MIGA1: variants seen among roughly 807,000 people sequenced by gnomAD.
MIGA1 encodes the protein mitoguardin 1, also known as family with sequence similarity 73, member A.
Under a neutral mutation model 82.0 loss-of-function variants are expected in MIGA1, and 58 were observed. The ratio of observed to expected loss-of-function variants is 0.71; its 90% confidence interval spans 0.57 to 0.88. MIGA1 has a LOEUF of 0.88. MIGA1 is among the 40% of genes least tolerant of loss of function. The pLI is 0.00. For missense variants in MIGA1, 751 were observed against 749.1 expected (o/e 1.00, Z -0.03); for synonymous variants, 249 against 253.6 (o/e 0.98, Z 0.17).
intron 7 of MIGA1, among the ~76,000 whole-genome samples, chr1:77,835,963 A>G (rs1684408865): frequency 6.6e-6 from 1 of 152,182 alleles, no homozygotes; most frequent in Non-Finnish European, 1.5e-5. Context: ...AAAGAAAAAA[A>G]AGAAAAAAAG....
Position 77,858,088 on chromosome 1 carries a change from C to T in MIGA1, c.997-850C>T, listed in dbSNP as rs191798959. On this transcript the variant is annotated intron_variant, in intron 8 of 15. Transcript: ENST00000370791. ...ATTGCTGGCCAGACGCGGTGGCTGA[C>T]GCCTGAATGCCAGTACTTTGGGAGG... 2.9e-3 allele frequency among the ~76,000 whole-genome samples: 442 copies of T among 152,088 alleles called. 2 individuals carry two copies. Among genetic ancestry groups the T allele is most frequent in the African/African-American group, 9.8e-3 (406 of 41,492 alleles).
chr1:77,785,031 TATC>T (rs2101684444), intron 2 of MIGA1, among the ~76,000 whole-genome samples: 1 of 152,250 alleles, frequency 6.6e-6, no homozygotes, highest in African/African-American at 2.4e-5. Flanking sequence ...AGCCAAACCA[TATC>T]ATTCTGCTCC....
intron 5 of MIGA1, among the ~76,000 whole-genome samples, chr1:77,813,271 C>T (rs753213272): frequency 3.9e-5 from 6 of 152,246 alleles, no homozygotes; most frequent in South Asian, 2.1e-4. Flanking sequence ...CATGAGCCAC[C>T]GCGCCGGGCC....
chr1:77,852,250 G>T, intron 8 of MIGA1, among the ~76,000 whole-genome samples: 1 of 151,830 alleles, frequency 6.6e-6, no homozygotes, highest in East Asian at 1.9e-4. Flanking sequence ...CATGTATGTG[G>T]GTCTTATTTG....
In MIGA1 at chr1:77,878,802, A is replaced by G; in HGVS notation, c.*3738A>G. ...TATCAAAATGGAATTATCTTTTAAA[A>G]AAGAAGACAAGTTTTCCATACTGTC... is the stretch of plus-strand genomic sequence containing the variant. On this transcript the variant is annotated 3_prime_UTR_variant, in exon 16 of 16. Transcript: ENST00000370791. The G allele has an allele frequency of 2.6e-6, 1 of 384,418 alleles. No homozygotes were observed. Among genetic ancestry groups the G allele is most frequent in the Non-Finnish European group, 4.6e-6 (1 of 216,280 alleles). The allele number at this position is 384,418 out of a possible 1,614,324, so 23.8% of individuals were successfully genotyped here. A position where few individuals can be genotyped will look rare whatever the true frequency, so the allele number is the denominator to read the frequency against.
chr1:77,801,700 G>T (rs988919948), intron 3 of MIGA1, among the ~76,000 whole-genome samples, 192 bp downstream of exon 3: 2 of 151,994 alleles, frequency 1.3e-5, no homozygotes, highest in Non-Finnish European at 2.9e-5. Context: ...TGACATTCTG[G>T]TACCCAGAAA....
At chr1:77,840,949 G>T (rs1684606346) in intron 7 of MIGA1, among the ~76,000 whole-genome samples, 1 of 152,174 alleles carries the variant, frequency 6.6e-6, no homozygotes, top group Non-Finnish European at 1.5e-5. Flanking sequence ...TTTGAAGGTT[G>T]TACACGAGGA....
Position 77,875,423 on chromosome 1 carries a change from A to G in MIGA1, c.*359A>G, listed in dbSNP as rs1646886712. On this transcript the variant is annotated 3_prime_UTR_variant, in exon 16 of 16. Coordinates refer to ENST00000370791, the MANE Select transcript of MIGA1 (RefSeq NM_198549.4). ...TTTATGCTTTGCACCTTTAAAATGTACACTTTAGCCAAGGTCTTTGTGGCC... is the reference window on the plus strand; with the variant it reads ...TTTATGCTTTGCACCTTTAAAATGTGCACTTTAGCCAAGGTCTTTGTGGCC... 5.4e-6 allele frequency: 1 copy of G among 184,382 alleles called. No individual in the cohort carries two copies. Among genetic ancestry groups the G allele is most frequent in the Admixed American group, 5.6e-5 (1 of 17,860 alleles). 11.4% of individuals were successfully genotyped at this position (184,382 alleles called of 1,614,324 possible).
intron 7 of MIGA1, among the ~76,000 whole-genome samples, chr1:77,828,464 TG>T (rs1684113957): frequency 6.6e-6 from 1 of 152,172 alleles, no homozygotes; most frequent in African/African-American, 2.4e-5. Context: ...ATAGACAAGA[TG>T]GGTATCATTA....
intron 2 of MIGA1, among the ~76,000 whole-genome samples, chr1:77,789,309 G>C (rs1467086197): frequency 1.3e-5 from 2 of 149,984 alleles, no homozygotes; most frequent in Non-Finnish European, 3.0e-5. Context: ...CCCAGGCTCA[G>C]GTGATCCTTC....
rs535022343 is a variant in MIGA1, at chr1:77,788,087, C to G, written c.195+4736C>G. Among the ~76,000 whole-genome samples the G allele has an allele frequency of 2.6e-5, 4 of 152,312 alleles. No individual in the cohort carries two copies. The South Asian group carries it at 8.3e-4, about 32-fold the overall frequency. On this transcript the variant is annotated intron_variant, in intron 2 of 15. Coordinates refer to ENST00000370791, the MANE Select transcript of MIGA1 (RefSeq NM_198549.4). ...CTGCAACCTCCGCTCACTGCAACCTCCGCCTCCTGGGTTCAAGCAATTCTT... is the reference window on the plus strand; with the variant it reads ...CTGCAACCTCCGCTCACTGCAACCTGCGCCTCCTGGGTTCAAGCAATTCTT...
At chr1:77,826,119 A>T (rs746811372) in intron 7 of MIGA1, among the ~76,000 whole-genome samples, 92 of 152,340 alleles carry the variant, frequency 6.0e-4, no homozygotes, top group Non-Finnish European at 1.0e-3. Flanking sequence ...ATAGTTATAG[A>T]TAGGAGGATG....
intron 7 of MIGA1, among the ~76,000 whole-genome samples, chr1:77,833,310 C>A (rs1158329109): frequency 6.6e-6 from 1 of 152,140 alleles, no homozygotes; most frequent in Non-Finnish European, 1.5e-5. Flanking sequence ...AGAAATTTGG[C>A]TTAGTAATTT....
At position 77,813,822 on chromosome 1, in the gene MIGA1, C is replaced by T. The variant is rs957905447; in HGVS notation, c.726C>T (p.Ser242=). 6.2e-7 allele frequency: 1 copy of T among 1,614,122 alleles called. No individual in the cohort carries two copies. The highest frequency in any genetic ancestry group is 1.3e-5 in the African/African-American group (1 of 75,028). The change falls in exon 6 of 16, where the codon TCC becomes TCT. Residue 242 remains serine, a synonymous_variant. Coordinates refer to ENST00000370791, the MANE Select transcript of MIGA1 (RefSeq NM_198549.4). The stretch of plus-strand genomic sequence containing the variant: ...AGGCTGAAGATGAAGCCTGTGGTTC[C>T]ATTAAACTGGGTGCAGGAGATGCCA...
intron 7 of MIGA1, among the ~76,000 whole-genome samples, chr1:77,819,772 A>C (rs186559843): frequency 3.3e-5 from 5 of 151,504 alleles, no homozygotes; most frequent in African/African-American, 1.2e-4. Flanking sequence ...GGTAGAGGTG[A>C]GGTTTTGCCG....
Position 77,791,190 on chromosome 1 carries a change from C to T in MIGA1, c.195+7839C>T, listed in dbSNP as rs1324346480. Among the ~76,000 whole-genome samples the T allele has an allele frequency of 2.0e-5, 3 of 148,696 alleles. No homozygotes were observed. The East Asian group carries it at 6.0e-4, about 30-fold the overall frequency. ...CCCAGAATTTCAAGGATGTATTAAG[C>T]TCTGATTGCATTATTGCACTCCAGC... On this transcript the variant is annotated intron_variant, in intron 2 of 15. Transcript: ENST00000370791.
chr1:77,851,771 T>C (rs1685059881), intron 8 of MIGA1, among the ~76,000 whole-genome samples: 1 of 152,170 alleles, frequency 6.6e-6, no homozygotes, highest in Non-Finnish European at 1.5e-5. Context: ...AGATCAATAA[T>C]TCAAGACTCA....
rs771148457 is a variant in MIGA1 at position 77,876,593 on chromosome 1, TCTC to T, written c.*1532_*1534del. 9 of 152,332 alleles carry T rather than the reference TCTC, an allele frequency of 5.9e-5. No homozygotes were observed. The highest frequency in any genetic ancestry group is 2.1e-4 in the South Asian group (1 of 4,830). The allele number at this position is 152,332 out of a possible 1,614,324, so 9.4% of individuals were successfully genotyped here. A position where few individuals can be genotyped will look rare whatever the true frequency, so the allele number is the denominator to read the frequency against. On this transcript the variant is annotated 3_prime_UTR_variant, in exon 16 of 16. Transcript: ENST00000370791. Reference sequence around the variant, plus strand: ...TGAAACTTGGTACAGTGAAATAATTTCTCCTTTCTCCTTCCTTTTAGTTATTCC... The same window carrying T: ...TGAAACTTGGTACAGTGAAATAATTTCTTTCTCCTTCCTTTTAGTTATTCC...
At chr1:77,823,659 G>T (rs1045530233) in intron 7 of MIGA1, among the ~76,000 whole-genome samples, 8 of 152,092 alleles carry the variant, frequency 5.3e-5, no homozygotes, top group Non-Finnish European at 8.8e-5. Context: ...CAAACTCCTG[G>T]GCTCAAGCAA....
Sources: allele counts gnomAD v4.1 joint callset (sites outside exome capture counted in the v4.1 genomes callset), GRCh38; gene constraint gnomAD v4.1.1; transcripts MANE v1.5; gene names NCBI Gene and HGNC (gene_info 2026-07-23, HGNC 2026-07-21).